The following BMPER variants were observed in gnomAD, a reference collection of about 807,000 sequenced individuals.
The protein encoded by BMPER is BMP-binding endothelial regulator protein.
A neutral mutation model predicts 87.3 loss-of-function variants in BMPER; 45 were observed. That is an observed-to-expected ratio of 0.52 (90% CI 0.41 to 0.66). The LOEUF is 0.66. Ranked by LOEUF, BMPER falls within the 30% of genes least tolerant of loss-of-function variation. BMPER has a pLI of 0.00. For missense variants in BMPER, 784 were observed against 867.5 expected, an observed-to-expected ratio of 0.90 and a Z score of 1.21; for synonymous variants, 326 against 316.2, an observed-to-expected ratio of 1.03 and a Z score of -0.33.
intron 13 of BMPER, among the ~76,000 whole-genome samples, chr7:34,106,317 G>A (rs1462846131): frequency 7.9e-5 from 12 of 152,176 alleles, no homozygotes; most frequent in Non-Finnish European, 1.5e-4. Flanking sequence ...TATCCAAAGT[G>A]CACATATCAC....
Position 33,905,553 on chromosome 7 carries a change from G to A in BMPER, c.-61G>A. The A allele has an allele frequency of 6.3e-7, 1 of 1,598,688 alleles. No homozygotes were observed. ...GAGCCCTTTTCGACTGTGAGCTGCG[G>A]CAGCTGAGCAGAGGCGGCGGCGCGG... is the stretch of plus-strand genomic sequence containing the variant. On this transcript the variant is annotated 5_prime_UTR_variant, in exon 1 of 15. Coordinates refer to ENST00000649409, the MANE Select transcript of BMPER (RefSeq NM_001365308.1).
chr7:34,150,469 A>G (rs1333382485), intron 14 of BMPER, among the ~76,000 whole-genome samples: 1 of 152,196 alleles, frequency 6.6e-6, no homozygotes. Context: ...AGGTGATCCT[A>G]ACTTCCATTT....
chr7:33,953,905 C>G (rs1785088118), intron 3 of BMPER, among the ~76,000 whole-genome samples: 1 of 152,166 alleles, frequency 6.6e-6, no homozygotes, highest in Non-Finnish European at 1.5e-5. Context: ...CAATATTTGT[C>G]CTTTTGTGCC....
At chr7:33,935,057 T>TA in intron 2 of BMPER, among the ~76,000 whole-genome samples, 1 of 152,346 alleles carries the variant, frequency 6.6e-6, no homozygotes, top group Middle Eastern at 3.4e-3. Context: ...TATTAATTTG[T>TA]AAAAAATATG....
At chr7:34,027,220 CA>C (rs1452851639) in intron 6 of BMPER, among the ~76,000 whole-genome samples, 1 of 152,078 alleles carries the variant, frequency 6.6e-6, no homozygotes, top group Non-Finnish European at 1.5e-5. Context: ...AGGGGGTTCA[CA>C]AGGTAAAAAC....
At chr7:33,961,933 A>G (rs1405946737) in intron 3 of BMPER, among the ~76,000 whole-genome samples, 1 of 152,124 alleles carries the variant, frequency 6.6e-6, no homozygotes, top group Non-Finnish European at 1.5e-5. Flanking sequence ...GTTATTCATA[A>G]TGGTAAGATC....
At chr7:34,143,454 A>G (rs1456455876) in intron 14 of BMPER, 94 bp downstream of exon 14, 2 of 1,558,900 alleles carry the variant, frequency 1.3e-6, no homozygotes, top group Non-Finnish European at 1.7e-6. Context: ...ATGAGTGGCC[A>G]CATGCCCCCT....
intron 12 of BMPER, among the ~76,000 whole-genome samples, chr7:34,081,723 C>G (rs1334339103): frequency 6.6e-6 from 1 of 152,194 alleles, no homozygotes; most frequent in Non-Finnish European, 1.5e-5. Context: ...ACATGGAGAG[C>G]ATGGCTTTTT....
At position 33,905,668 on chromosome 7, in the gene BMPER, C is replaced by T; in HGVS notation, c.55C>T (p.Pro19Ser). ...GGCTGAGCGTTACTGCCGCCGCTCGCCTGGGATTACGTGCTGCGTCTTGCT... is the reference window on the plus strand; with the variant it reads ...GGCTGAGCGTTACTGCCGCCGCTCGTCTGGGATTACGTGCTGCGTCTTGCT... ...ALAERYCRRS[P>S]GITCCVLLLL... Residue 19 changes from proline to serine, a missense_variant, in exon 1 of 15, where the codon CCT becomes TCT. Physicochemically the swap from Pro to Ser is moderately conservative, Grantham distance 74. Coordinates refer to ENST00000649409, the MANE Select transcript of BMPER (RefSeq NM_001365308.1). 6.2e-7 allele frequency: 1 copy of T among 1,613,598 alleles called. No homozygotes were observed. The highest frequency in any genetic ancestry group is 1.1e-5 in the South Asian group (1 of 91,072).
At chr7:34,043,991 G>A (rs1787895464) in intron 6 of BMPER, among the ~76,000 whole-genome samples, 1 of 152,226 alleles carries the variant, frequency 6.6e-6, no homozygotes, top group African/African-American at 2.4e-5. Context: ...CTTAGAAGCA[G>A]GTTGTGAGCT....
chr7:34,101,216 C>T (rs1218299824), intron 13 of BMPER, among the ~76,000 whole-genome samples: 2 of 152,314 alleles, frequency 1.3e-5, no homozygotes, highest in Non-Finnish European at 2.9e-5. Context: ...AGAAGCATCA[C>T]GACGTTTTTT....
At chr7:33,914,305 C>T (rs557262735) in intron 2 of BMPER, among the ~76,000 whole-genome samples, 1 of 152,158 alleles carries the variant, frequency 6.6e-6, no homozygotes, top group Non-Finnish European at 1.5e-5. Flanking sequence ...TTGGGTGGCT[C>T]ACCTTTAAAA....
intron 13 of BMPER, among the ~76,000 whole-genome samples, chr7:34,104,576 C>T (rs1260364580): frequency 1.3e-5 from 2 of 152,144 alleles, no homozygotes; most frequent in Admixed American, 1.3e-4. Flanking sequence ...TTACTGAGCT[C>T]AGGGCCATTT....
At position 33,974,845 on chromosome 7, in the gene BMPER, C is replaced by T. The variant is rs904829741; in HGVS notation, c.576+61C>T. On this transcript the variant is annotated intron_variant, in intron 6 of 14. Transcript: ENST00000649409. The stretch of plus-strand genomic sequence containing the variant: ...TGGGCAAAGCACTTCTTGTACTCAC[C>T]AAGAGCACCCCCGGTCTCTACAGCC... 2.0e-6 allele frequency: 3 copies of T among 1,498,442 alleles called. No individual in the cohort carries two copies. The African/African-American group carries it at 4.1e-5, about 21-fold the overall frequency. The allele number at this position is 1,498,442 out of a possible 1,614,324, so 92.8% of individuals were successfully genotyped here. A position where few individuals can be genotyped will look rare whatever the true frequency, so the allele number is the denominator to read the frequency against.
At chr7:34,131,391 G>T (rs981458081) in intron 13 of BMPER, among the ~76,000 whole-genome samples, 1 of 152,192 alleles carries the variant, frequency 6.6e-6, no homozygotes, top group Non-Finnish European at 1.5e-5. Flanking sequence ...CACGGCAGAT[G>T]CTTGATGCAA....
At chr7:33,934,927 C>T (rs1000852318) in intron 2 of BMPER, among the ~76,000 whole-genome samples, 9 of 151,958 alleles carry the variant, frequency 5.9e-5, no homozygotes, top group Non-Finnish European at 1.3e-4. Flanking sequence ...GTGGGAGAGT[C>T]GGTATAAAAT....
At chr7:34,143,398 A>C in intron 14 of BMPER, 38 bp downstream of exon 14, 1 of 1,612,664 alleles carries the variant, frequency 6.2e-7, no homozygotes, top group Non-Finnish European at 8.5e-7. Flanking sequence ...TCAAAAGTTT[A>C]CTGCAATGCC....
intron 6 of BMPER, 114 bp from the exon 7 acceptor site, chr7:34,046,192 A>T: frequency 1.0e-6 from 1 of 966,050 alleles, no homozygotes; most frequent in East Asian, 2.4e-5. Flanking sequence ...CTGAGCAGTC[A>T]GTCTAGGGAC....
rs36022297 is a variant in BMPER at position 34,011,583 on chromosome 7, C to CAAAAAAAAAAAAAAA, written c.577-34716_577-34702dup. On this transcript the variant is annotated intron_variant, in intron 6 of 14. Coordinates refer to ENST00000649409, the MANE Select transcript of BMPER (RefSeq NM_001365308.1). The stretch of plus-strand genomic sequence containing the variant: ...CTTTGCTGCTTTCAGTTGGTCAGGG[C>CAAAAAAAAAAAAAAA]AAAAAAAAAAAAAAAAAAAAAGAAA... Among the ~76,000 whole-genome samples the CAAAAAAAAAAAAAAA allele has an allele frequency of 2.2e-3, 101 of 45,638 alleles. 1 individual carries two copies. Among genetic ancestry groups the CAAAAAAAAAAAAAAA allele is most frequent in the Middle Eastern group, 0.013 (1 of 76 alleles). 29.9% of individuals were successfully genotyped at this position (45,638 alleles called of 152,430 possible). A position where few individuals can be genotyped will look rare whatever the true frequency, so the allele number is the denominator to read the frequency against.
Sources: allele counts gnomAD v4.1 joint callset (sites outside exome capture counted in the v4.1 genomes callset), GRCh38; gene constraint gnomAD v4.1.1; transcripts MANE v1.5; gene names NCBI Gene and HGNC (gene_info 2026-07-23, HGNC 2026-07-21).